Variants in SPDYE18 observed in about 807,000 individuals in gnomAD.
SPDYE18 encodes speedy/RINGO cell cycle regulator family member E18.
Under a neutral mutation model 44.9 loss-of-function variants are expected in SPDYE18, and 6 were observed. The ratio of observed to expected loss-of-function variants is 0.13; its 90% CI spans 0.07 to 0.26. SPDYE18 has a LOEUF of 0.26. SPDYE18 is among the 10% of genes least tolerant of loss of function. The pLI is 1.00. For missense variants in SPDYE18, 121 were observed against 463.2 expected (o/e 0.26, Z 6.78); for synonymous variants, 35 against 177.1 (o/e 0.20, Z 6.37).
In SPDYE18 at chr7:77,060,788, C is replaced by T. The variant is rs1276127061; in HGVS notation, c.-276G>A. 1.3e-5 allele frequency among the ~76,000 whole-genome samples: 2 copies of T among 150,578 alleles called. No individual in the cohort carries two copies. Among genetic ancestry groups the T allele is most frequent in the Non-Finnish European group, 3.0e-5 (2 of 67,748 alleles). Reference sequence around the variant, plus strand: ...TGAATGGTATCTCCTGCCACTGTCCCAACCTCAGACCATTGTCCAAAAGCA... The same window carrying T: ...TGAATGGTATCTCCTGCCACTGTCCTAACCTCAGACCATTGTCCAAAAGCA... On this transcript the variant is annotated 5_prime_UTR_variant, in exon 2 of 9. Coordinates refer to ENST00000510091, the MANE Select transcript of SPDYE18 (RefSeq NM_001394953.1).
In SPDYE18 at chr7:77,052,797, TCTCGCGCCCACA is replaced by T; in HGVS notation, c.1028_1039del (p.Val343_Arg346del). The T allele has an allele frequency of 6.2e-7, 1 of 1,603,500 alleles. No homozygotes were observed. Among genetic ancestry groups the T allele is most frequent in the Non-Finnish European group, 8.5e-7 (1 of 1,175,914 alleles). On this transcript the variant is annotated inframe_deletion, in exon 8 of 9. Coordinates refer to ENST00000510091, the MANE Select transcript of SPDYE18 (RefSeq NM_001394953.1). ...GGAGCTCTAGGAAAGGCGAGCGCGA[TCTCGCGCCCACA>T]CCCAGTGCTCTGGGTCATAAGCCTG...
chr7:77,057,513 T>G (rs1370867812), intron 4 of SPDYE18, 124 bp downstream of exon 4: 11 of 589,730 alleles, frequency 1.9e-5, no homozygotes, highest in African/African-American at 3.8e-5. Flanking sequence ...TCACTTCACA[T>G]TCCTCCCACA....
Position 77,060,252 on chromosome 7 carries a change from C to T in SPDYE18, c.160+101G>A, listed in dbSNP as rs989208860. ...CCTCAGGTGATTCGCCCGCCTCGGC[C>T]TCCCAAAGTGCTGGGGTTACAGGCG... On this transcript the variant is annotated intron_variant, in intron 2 of 8. Coordinates refer to ENST00000510091, the MANE Select transcript of SPDYE18 (RefSeq NM_001394953.1). The T allele has an allele frequency of 1.0e-5, 15 of 1,507,100 alleles. No individual in the cohort carries two copies. The African/African-American group carries it at 2.1e-4, about 21-fold the overall frequency. 93.4% of individuals were successfully genotyped at this position (1,507,100 alleles called of 1,614,324 possible).
chr7:77,052,918 C>T (rs201695368), intron 7 of SPDYE18, 42 bp downstream of exon 7: 196,124 of 1,599,794 alleles, frequency 0.12, 6,363 homozygotes, highest in Non-Finnish European at 0.14. Flanking sequence ...CCAGCCCACC[C>T]GATTCCTCCC....
chr7:77,059,846 C>T (rs1789991526), intron 2 of SPDYE18, among the ~76,000 whole-genome samples: 1 of 146,968 alleles, frequency 6.8e-6, no homozygotes, highest in Non-Finnish European at 1.5e-5. Flanking sequence ...GACAGGGTTT[C>T]ACCATGTTGG....
rs1358028589 is a variant in SPDYE18 at position 77,060,807 on chromosome 7, A to G, written c.-295T>C. On this transcript the variant is annotated 5_prime_UTR_variant, in exon 2 of 9. Transcript: ENST00000510091. ...CTGTCCCAACCTCAGACCATTGTCC[A>G]AAAGCATCTTCAGGGACTCCACATC... 3.3e-5 allele frequency among the ~76,000 whole-genome samples: 5 copies of G among 150,932 alleles called. No individual in the cohort carries two copies. In the East Asian group the frequency reaches 9.8e-4, roughly 30 times the overall value.
rs1305796438 is a variant in SPDYE18 at position 77,053,101 on chromosome 7, G to C, written c.858C>G (p.Asn286Lys). The change falls in exon 7 of 9, where the codon AAC (asparagine) becomes AAG (lysine). Residue 286 changes from asparagine (N) to lysine (K), a missense_variant. Coordinates refer to ENST00000510091, the MANE Select transcript of SPDYE18 (RefSeq NM_001394953.1). Reference sequence around the variant, plus strand: ...AGCAACGGCATAACTGGAACCGACGGTTACGGACCAAGGGTATGCGAGAGC... The same window carrying C: ...AGCAACGGCATAACTGGAACCGACGCTTACGGACCAAGGGTATGCGAGAGC... ...KTRSRIPLVR[N>K]RRFQLCRCLN... 3.1e-6 allele frequency: 5 copies of C among 1,614,120 alleles called. No individual in the cohort carries two copies. Among genetic ancestry groups the C allele is most frequent in the Admixed American group, 3.3e-5 (2 of 60,016 alleles).
intron 6 of SPDYE18, among the ~76,000 whole-genome samples, 166 bp from the exon 7 acceptor site, chr7:77,053,369 T>A (rs1789850235): frequency 6.6e-6 from 1 of 152,180 alleles, no homozygotes; most frequent in African/African-American, 2.4e-5. Flanking sequence ...GACAGAGACC[T>A]GATCAAGGGC....
intron 6 of SPDYE18, among the ~76,000 whole-genome samples, chr7:77,053,492 C>T (rs2117314111): frequency 6.6e-6 from 1 of 152,356 alleles, no homozygotes; most frequent in African/African-American, 2.4e-5. Flanking sequence ...CACTTGAGGC[C>T]AGGAGTTTGA....
chr7:77,058,792 C>T (rs1444833309), intron 3 of SPDYE18, among the ~76,000 whole-genome samples: 14 of 151,672 alleles, frequency 9.2e-5, no homozygotes, highest in Non-Finnish European at 1.0e-4. Context: ...CTACCACACC[C>T]GGCCTTCGTT....
At chr7:77,058,874 C>T (rs1277877249) in intron 3 of SPDYE18, among the ~76,000 whole-genome samples, 8 of 152,196 alleles carry the variant, frequency 5.3e-5, no homozygotes, top group Admixed American at 1.3e-4. Flanking sequence ...CTCACTGCAG[C>T]CTCAAAGTCC....
Position 77,060,567 on chromosome 7 carries a change from C to T in SPDYE18, c.-55G>A. ...GAAGAGTATGTTATCAATTCTCAAG[C>T]CTAGGAGAAGTCAGGAGTGGAGAAC... On this transcript the variant is annotated 5_prime_UTR_variant, in exon 2 of 9. Coordinates refer to ENST00000510091, the MANE Select transcript of SPDYE18 (RefSeq NM_001394953.1). 1.3e-6 allele frequency: 2 copies of T among 1,534,652 alleles called. No individual in the cohort carries two copies. The highest frequency in any genetic ancestry group is 1.7e-6 in the Non-Finnish European group (2 of 1,146,582).
At chr7:77,056,076 C>CT (rs1396445552) in intron 5 of SPDYE18, among the ~76,000 whole-genome samples, 1 of 112,856 alleles carries the variant, frequency 8.9e-6, no homozygotes, top group Non-Finnish European at 1.8e-5. Flanking sequence ...GAGCTAGACT[C>CT]TGTCTCACAA....
At chr7:77,060,069 C>T (rs1789997001) in intron 2 of SPDYE18, among the ~76,000 whole-genome samples, 1 of 141,390 alleles carries the variant, frequency 7.1e-6, no homozygotes. Flanking sequence ...GATCTCAGCT[C>T]ACTGCAACCT....
chr7:77,060,214 C>T lies in SPDYE18; in HGVS notation c.160+139G>A, dbSNP rs1320826978. On this transcript the variant is annotated intron_variant, in intron 2 of 8. Transcript: ENST00000510091. ...GTTTCACCATATTGGCCAGGCTGGCCTTGAACTCCTGACCTCAGGTGATTC... is the reference window on the plus strand; with the variant it reads ...GTTTCACCATATTGGCCAGGCTGGCTTTGAACTCCTGACCTCAGGTGATTC... 3 of 1,449,626 alleles carry T rather than the reference C, an allele frequency of 2.1e-6. No individual in the cohort carries two copies. The African/African-American group carries it at 4.3e-5, about 21-fold the overall frequency. The allele number at this position is 1,449,626 out of a possible 1,614,324, so 89.8% of individuals were successfully genotyped here.
In SPDYE18 at chr7:77,055,988, AAAG is replaced by A. The variant is rs1435968408; in HGVS notation, c.669+559_669+561del. 1.3e-4 allele frequency among the ~76,000 whole-genome samples: 17 copies of A among 133,542 alleles called. No individual in the cohort carries two copies. In the East Asian group the frequency reaches 3.6e-3, roughly 28 times the overall value. The allele number at this position is 133,542 out of a possible 152,430, so 87.6% of individuals were successfully genotyped here. A position where few individuals can be genotyped will look rare whatever the true frequency, so the allele number is the denominator to read the frequency against. On this transcript the variant is annotated intron_variant, in intron 5 of 8. Coordinates refer to ENST00000510091, the MANE Select transcript of SPDYE18 (RefSeq NM_001394953.1). ...GTCCCAGCTCCTCAGGAGGCTGAGG[AAAG>A]AAGATTGCTTGAGCCCAGGAATTAG...
In SPDYE18 at chr7:77,060,871, A is replaced by G. The variant is rs1397677916; in HGVS notation, c.-359T>C. On this transcript the variant is annotated 5_prime_UTR_variant, in exon 2 of 9. Transcript: ENST00000510091. ...TCCCAGCAGAGGCTGTGTCCTCTCC[A>G]CTCAAAGCCTGAAGCATGTTGGGGT... Among the ~76,000 whole-genome samples, 7 of 151,426 alleles carry G rather than the reference A, an allele frequency of 4.6e-5. No individual in the cohort carries two copies. Among genetic ancestry groups the G allele is most frequent in the Admixed American group, 1.3e-4 (2 of 15,164 alleles).
Position 77,060,480 on chromosome 7 carries a change from C to G in SPDYE18, c.33G>C (p.Arg11Ser). The G allele has an allele frequency of 6.5e-7, 1 of 1,535,252 alleles. No homozygotes were observed. The highest frequency in any genetic ancestry group is 8.7e-7 in the Non-Finnish European group (1 of 1,146,782). The change falls in exon 2 of 9, where the codon AGG becomes AGC. Residue 11 changes from arginine (R) to serine (S), a missense_variant. Coordinates refer to ENST00000510091, the MANE Select transcript of SPDYE18 (RefSeq NM_001394953.1). MDRTKTRFRK[R>S]GQITGKITTS... ...TCGTGATCTTTCCCGTAATCTGTCC[C>G]CTCTTACGGAACCTAGTCTTCGTTC...
intron 6 of SPDYE18, among the ~76,000 whole-genome samples, chr7:77,054,803 T>C: frequency 6.6e-6 from 1 of 151,846 alleles, no homozygotes; most frequent in Non-Finnish European, 1.5e-5. Flanking sequence ...AGTCTCACTC[T>C]GTCACCCAGG....
Sources: allele counts gnomAD v4.1 joint callset (sites outside exome capture counted in the v4.1 genomes callset), GRCh38; gene constraint gnomAD v4.1.1; transcripts MANE v1.5; gene names NCBI Gene and HGNC (gene_info 2026-07-23, HGNC 2026-07-21).